DYDC1: variants seen among roughly 807,000 people sequenced by gnomAD.
DYDC1 encodes DPY30 domain-containing protein 1.
Under a neutral mutation model 27.9 loss-of-function variants are expected in DYDC1, and 21 were observed. The observed-to-expected ratio is 0.75, with a 90% CI of 0.53 to 1.08. The LOEUF (loss-of-function observed/expected upper bound fraction) is 1.08. Among genes scored for constraint, DYDC1 ranks in the 50% least tolerant of loss-of-function variants. DYDC1 has a pLI of 0.00. For missense variants in DYDC1, 202 were observed against 205.9 expected (o/e 0.98, Z 0.12); for synonymous variants, 67 against 65.8 (o/e 1.02, Z -0.09).
chr10:80,350,775 C>G (rs938816542), intron 3 of DYDC1, among the ~76,000 whole-genome samples: 1 of 152,160 alleles, frequency 6.6e-6, no homozygotes, highest in South Asian at 2.1e-4. Context: ...ATGGAAGTGG[C>G]TTAAATTTAG....
chr10:80,346,403 A>G (rs866498752), intron 3 of DYDC1, among the ~76,000 whole-genome samples: 1 of 138,980 alleles, frequency 7.2e-6, no homozygotes, highest in Non-Finnish European at 1.5e-5. Context: ...AGAAGAGTTC[A>G]CTTTTCTCCA....
intron 1 of DYDC1, chr10:80,356,481 C>G: frequency 1.0e-6 from 1 of 985,388 alleles, no homozygotes; most frequent in Non-Finnish European, 1.2e-6. Context: ...ACCCGGGAGT[C>G]TGGAAGGGTC....
At chr10:80,344,994 CA>C (rs1275432945) in intron 3 of DYDC1, among the ~76,000 whole-genome samples, 1 of 152,044 alleles carries the variant, frequency 6.6e-6, no homozygotes, top group African/African-American at 2.4e-5. Flanking sequence ...TCATAGCTGA[CA>C]GTGATAAAAA....
chr10:80,336,645 C>T (rs903856505), intron 6 of DYDC1, among the ~76,000 whole-genome samples: 5 of 152,222 alleles, frequency 3.3e-5, no homozygotes, highest in Non-Finnish European at 7.3e-5. Flanking sequence ...CTCAGAGCCA[C>T]CTGAGAGTCA....
intron 6 of DYDC1, chr10:80,337,007 G>T: frequency 1.9e-6 from 1 of 518,640 alleles, no homozygotes. Context: ...AATCCCTAAG[G>T]CAACATACAA....
At chr10:80,337,370 G>C in intron 6 of DYDC1, 1 of 985,448 alleles carries the variant, frequency 1.0e-6, no homozygotes, top group Non-Finnish European at 1.2e-6. Flanking sequence ...TTAGCACTGA[G>C]TCTGTGCAGC....
intron 4 of DYDC1, among the ~76,000 whole-genome samples, chr10:80,341,414 GC>G (rs1447034272): frequency 7.7e-6 from 1 of 130,234 alleles, no homozygotes; most frequent in African/African-American, 3.1e-5. Flanking sequence ...CTGCACTCCA[GC>G]CTGGGTGACA....
chr10:80,351,828 A>G (rs977048828), intron 3 of DYDC1, 73 bp downstream of exon 3: 123 of 1,370,182 alleles, frequency 9.0e-5, no homozygotes, highest in Non-Finnish European at 1.2e-4. Context: ...AAGTTTATCA[A>G]CATTTAGGCT....
intron 6 of DYDC1, among the ~76,000 whole-genome samples, chr10:80,336,963 T>C (rs1842151113): frequency 6.6e-6 from 1 of 152,200 alleles, no homozygotes; most frequent in South Asian, 2.1e-4. Flanking sequence ...AATCTTTAAG[T>C]CCTTTCAATA....
rs1032729095 is a variant in DYDC1, at chr10:80,346,444, C to CTTTTTTTTTTTTTTTT, written c.250-4099_250-4084dup. 6.5e-3 allele frequency among the ~76,000 whole-genome samples: 546 copies of CTTTTTTTTTTTTTTTT among 83,370 alleles called. 76 individuals carry two copies. The highest frequency in any genetic ancestry group is 0.017 in the African/African-American group (344 of 20,116). 54.7% of individuals were successfully genotyped at this position (83,370 alleles called of 152,430 possible). On this transcript the variant is annotated intron_variant, in intron 3 of 6. Coordinates refer to ENST00000372202, the MANE Select transcript of DYDC1 (RefSeq NM_001269053.2). ...TCACCAATGTGTGTCTCTTCCCTTT[C>CTTTTTTTTTTTTTTTT]TTTTTTTTTTTTTTTTTTTTTTTTT... is the stretch of plus-strand genomic sequence containing the variant.
chr10:80,344,933 G>A (rs1344242212), intron 3 of DYDC1: 4 of 154,416 alleles, frequency 2.6e-5, no homozygotes, highest in African/African-American at 7.2e-5. Flanking sequence ...TTTCAAAGTC[G>A]TGTAGAAACA....
chr10:80,344,152 C>T (rs1385975156), intron 3 of DYDC1, among the ~76,000 whole-genome samples: 3 of 151,932 alleles, frequency 2.0e-5, no homozygotes, highest in Non-Finnish European at 4.4e-5. Flanking sequence ...ATTATCACAG[C>T]AGAATTTATT....
rs553355586 is a variant in DYDC1, at chr10:80,347,734, G to T, written c.249+4167C>A. Among the ~76,000 whole-genome samples the T allele has an allele frequency of 2.6e-4, 39 of 152,160 alleles. No homozygotes were observed. In the South Asian group the frequency reaches 8.1e-3, roughly 32 times the overall value. On this transcript the variant is annotated intron_variant, in intron 3 of 6. Transcript: ENST00000372202. ...TATCCTTTTCCCTTTGTGTTTTCTT[G>T]CAGGGCTTGTCAAAAATTAGTTGAC...
At chr10:80,341,789 C>T (rs2132754100) in intron 4 of DYDC1, among the ~76,000 whole-genome samples, 1 of 152,214 alleles carries the variant, frequency 6.6e-6, no homozygotes, top group South Asian at 2.1e-4. Context: ...CTTTGGGAGG[C>T]CAAGGTGGGT....
Position 80,352,526 on chromosome 10 carries a change from G to T in DYDC1, c.76C>A (p.Pro26Thr). The change falls in exon 2 of 7, where the codon CCA (proline) becomes ACA (threonine). Residue 26 changes from proline (P) to threonine (T), a missense_variant. Physicochemically the swap from Pro to Thr is conservative, Grantham distance 38 (BLOSUM62 -1). Coordinates refer to ENST00000372202, the MANE Select transcript of DYDC1 (RefSeq NM_001269053.2). ...QGLAEVARVRPVDPIEYLALW... is the reference protein window; with the variant it reads ...QGLAEVARVRTVDPIEYLALW... ...GCTAAATATTCTATCGGATCCACTGGGCGAACTCTTGCCACTTCTGCAAGA... is the reference window on the plus strand; with the variant it reads ...GCTAAATATTCTATCGGATCCACTGTGCGAACTCTTGCCACTTCTGCAAGA... 1 of 1,613,318 alleles carries T rather than the reference G, an allele frequency of 6.2e-7. No homozygotes were observed. The highest frequency in any genetic ancestry group is 8.5e-7 in the Non-Finnish European group (1 of 1,179,762).
downstream of DYDC1, chr10:80,336,023 C>T: frequency 3.2e-6 from 2 of 631,630 alleles, no homozygotes; most frequent in Non-Finnish European, 5.5e-6. Flanking sequence ...ACTCTTGAAG[C>T]CCATTCATAA....
rs1481207500 is a variant in DYDC1, at chr10:80,344,139, A to G, written c.250-1778T>C. ...TTAAAAAAATAAAAATAACAAAAAC[A>G]GAATTATCACAGCAGAATTTATTTA... On this transcript the variant is annotated intron_variant, in intron 3 of 6. Coordinates refer to ENST00000372202, the MANE Select transcript of DYDC1 (RefSeq NM_001269053.2). Among the ~76,000 whole-genome samples the G allele has an allele frequency of 2.0e-5, 3 of 152,200 alleles. 1 individual carries two copies. The South Asian group carries it at 6.2e-4, about 32-fold the overall frequency.
intron 3 of DYDC1, among the ~76,000 whole-genome samples, chr10:80,348,780 CTTAAT>C (rs1418632949): frequency 6.6e-6 from 1 of 152,186 alleles, no homozygotes; most frequent in Non-Finnish European, 1.5e-5. Context: ...AATGAATATG[CTTAAT>C]TTAAATTATA....
intron 6 of DYDC1, chr10:80,338,266 A>G: frequency 7.6e-7 from 1 of 1,307,694 alleles, no homozygotes; most frequent in Non-Finnish European, 9.7e-7. Flanking sequence ...TAGATAAGCC[A>G]GTGACACACT....
Sources: gnomAD v4.1 joint callset for allele counts (sites outside exome capture counted in the v4.1 genomes callset) on GRCh38, gnomAD v4.1.1 for gene constraint, MANE v1.5 for transcripts, NCBI Gene and HGNC (gene_info 2026-07-23, HGNC 2026-07-21) for gene names.